Variants in PRKCB observed in about 807,000 individuals in gnomAD.
The protein encoded by PRKCB is protein kinase C beta type.
In PRKCB, 13 loss-of-function variants were observed where a neutral mutation model predicts 81.5. The ratio of observed to expected loss-of-function variants is 0.16; its 90% CI spans 0.10 to 0.25. The LOEUF (loss-of-function observed/expected upper bound fraction) is 0.25. PRKCB is among the 10% of genes least tolerant of loss of function. The pLI is 1.00. For synonymous variants in PRKCB, 335 were observed against 321.4 expected, an observed-to-expected ratio of 1.04 and a Z score of -0.45; for missense variants, 509 against 875.7, an observed-to-expected ratio of 0.58 and a Z score of 5.29.
At chr16:24,213,279 C>G (rs914306956) in intron 16 of PRKCB, among the ~76,000 whole-genome samples, 5 of 152,034 alleles carry the variant, frequency 3.3e-5, no homozygotes, top group Non-Finnish European at 5.9e-5. Flanking sequence ...GTGATCCACC[C>G]GCCTCCTCCT....
At position 23,886,404 on chromosome 16, in the gene PRKCB, G is replaced by GTGTTTTTTTGTTTTTTTTT. The variant is rs1414637676; in HGVS notation, c.205+49007_205+49008insGTTTTTTTTTTGTTTTTTT. ...CGAGGGTTGGACTATGGTGTGTTAG[G>GTGTTTTTTTGTTTTTTTTT]TGTTTTTTTTTTTTTTTTTTTTTTT... On this transcript the variant is annotated intron_variant, in intron 2 of 16. Transcript: ENST00000643927. Among the ~76,000 whole-genome samples the GTGTTTTTTTGTTTTTTTTT allele has an allele frequency of 3.9e-3, 399 of 103,316 alleles. 11 individuals are homozygous for GTGTTTTTTTGTTTTTTTTT. Among genetic ancestry groups the GTGTTTTTTTGTTTTTTTTT allele is most frequent in the African/African-American group, 0.014 (364 of 25,316 alleles). 67.8% of individuals were successfully genotyped at this position (103,316 alleles called of 152,430 possible).
At chr16:24,009,106 C>T (rs1965166629) in intron 3 of PRKCB, among the ~76,000 whole-genome samples, 1 of 152,152 alleles carries the variant, frequency 6.6e-6, no homozygotes, top group African/African-American at 2.4e-5. Flanking sequence ...CGTCAGTGGA[C>T]ACCTAGATTG....
intron 5 of PRKCB, among the ~76,000 whole-genome samples, chr16:24,040,600 T>A (rs371545794): frequency 1.3e-5 from 2 of 152,294 alleles, no homozygotes; most frequent in South Asian, 4.1e-4. Context: ...TCCCAGCACC[T>A]AGCAAGGTGG....
chr16:24,205,044 C>T (rs969144274), intron 16 of PRKCB, among the ~76,000 whole-genome samples: 8 of 151,336 alleles, frequency 5.3e-5, no homozygotes, highest in Admixed American at 1.3e-4. Flanking sequence ...CGCTTGAACC[C>T]GGGAGGTGGA....
intron 5 of PRKCB, among the ~76,000 whole-genome samples, chr16:24,038,277 A>G (rs1965648455): frequency 6.6e-6 from 1 of 152,204 alleles, no homozygotes; most frequent in Non-Finnish European, 1.5e-5. Context: ...AGACAGGAGG[A>G]TTGCTTGAGA....
intron 8 of PRKCB, among the ~76,000 whole-genome samples, chr16:24,120,896 G>C (rs974222676): frequency 4.6e-5 from 7 of 151,956 alleles, no homozygotes; most frequent in Admixed American, 2.0e-4. Context: ...ACCATGCCTG[G>C]CTCATCATTT....
At chr16:23,864,212 T>C (rs949575841) in intron 2 of PRKCB, among the ~76,000 whole-genome samples, 3 of 152,216 alleles carry the variant, frequency 2.0e-5, no homozygotes, top group Non-Finnish European at 4.4e-5. Context: ...ACACCATCTC[T>C]GCTCAGTGAG....
At chr16:23,928,318 C>T (rs375915009) in intron 2 of PRKCB, among the ~76,000 whole-genome samples, 17 of 151,908 alleles carry the variant, frequency 1.1e-4, no homozygotes, top group African/African-American at 2.9e-4. Flanking sequence ...AGTAGAGACA[C>T]GGTTTCACCA....
chr16:24,150,023 C>T (rs958865033), intron 9 of PRKCB, among the ~76,000 whole-genome samples: 7 of 152,118 alleles, frequency 4.6e-5, no homozygotes, highest in African/African-American at 1.7e-4. Flanking sequence ...TCTTTGCCTG[C>T]ACAGTGGTAG....
In PRKCB at chr16:24,020,002, G is replaced by A. The variant is rs942589105; in HGVS notation, c.289-12134G>A. Reference sequence around the variant, plus strand: ...GCAGGTTATTTTACCTTCGTCCAACGTGATGGAGTGAAAGGTGAAAAGAAT... The same window carrying A: ...GCAGGTTATTTTACCTTCGTCCAACATGATGGAGTGAAAGGTGAAAAGAAT... On this transcript the variant is annotated intron_variant, in intron 3 of 16. Transcript: ENST00000643927. Among the ~76,000 whole-genome samples the A allele has an allele frequency of 3.3e-5, 5 of 152,222 alleles. No homozygotes were observed. The South Asian group carries it at 8.3e-4, about 25-fold the overall frequency.
chr16:23,902,779 T>TCCC (rs1216128528), intron 2 of PRKCB, among the ~76,000 whole-genome samples: 4 of 81,928 alleles, frequency 4.9e-5, no homozygotes, highest in Non-Finnish European at 2.2e-5. Context: ...CCTTCCTTCC[T>TCCC]TCCTCCCTCC....
At chr16:23,900,612 AT>A (rs67164299) in intron 2 of PRKCB, among the ~76,000 whole-genome samples, 1 of 147,338 alleles carries the variant, frequency 6.8e-6, no homozygotes, top group Non-Finnish European at 1.5e-5. Flanking sequence ...CCTCACACAT[AT>A]TTTTTTCCTT....
chr16:24,095,259 T>A (rs1402634160), intron 7 of PRKCB, among the ~76,000 whole-genome samples: 1 of 152,104 alleles, frequency 6.6e-6, no homozygotes, highest in Non-Finnish European at 1.5e-5. Context: ...AGAGTTTTTT[T>A]ATGACTCAAA....
At chr16:23,849,010 GCTGC>G (rs1962426103) in intron 2 of PRKCB, among the ~76,000 whole-genome samples, 1 of 152,194 alleles carries the variant, frequency 6.6e-6, no homozygotes, top group Non-Finnish European at 1.5e-5. Flanking sequence ...AATAGCATTA[GCTGC>G]ACCTTACAGT....
intron 2 of PRKCB, among the ~76,000 whole-genome samples, chr16:23,858,724 G>GTTCTGAA (rs1962615549): frequency 6.6e-6 from 1 of 152,200 alleles, no homozygotes; most frequent in Non-Finnish European, 1.5e-5. Flanking sequence ...AACTATGCAA[G>GTTCTGAA]CTGTTGAGTC....
intron 13 of PRKCB, 22 bp downstream of exon 13, chr16:24,180,950 T>G (rs778483083): frequency 6.2e-7 from 1 of 1,612,200 alleles, no homozygotes; most frequent in South Asian, 1.1e-5. Context: ...TGGGCACACG[T>G]TCACATTGCG....
At chr16:23,871,029 G>A (rs891441005) in intron 2 of PRKCB, among the ~76,000 whole-genome samples, 1 of 152,230 alleles carries the variant, frequency 6.6e-6, no homozygotes, top group Admixed American at 6.5e-5. Flanking sequence ...TCACAGGGCA[G>A]ATGGGCCCAG....
At chr16:24,143,420 C>T (rs1179608730) in intron 9 of PRKCB, among the ~76,000 whole-genome samples, 1 of 152,038 alleles carries the variant, frequency 6.6e-6, no homozygotes, top group East Asian at 1.9e-4. Flanking sequence ...GCATGAGTCA[C>T]CGTGCCCGGC....
chr16:24,112,958 C>CT lies in PRKCB; in HGVS notation c.822-13dup. 1 of 1,579,874 alleles carries CT rather than the reference C, an allele frequency of 6.3e-7. No homozygotes were observed. The highest frequency in any genetic ancestry group is 1.1e-5 in the South Asian group (1 of 87,458). On this transcript the variant is annotated splice_polypyrimidine_tract_variant and intron_variant, in intron 7 of 16. Transcript: ENST00000643927. ...CGAGTCATGAAATGTGTCCCACCCC[C>CT]TTGTCTCCCTTCAGGTTTAAGTTAC...
Sources: gnomAD v4.1 joint callset for allele counts (sites outside exome capture counted in the v4.1 genomes callset) on GRCh38, gnomAD v4.1.1 for gene constraint, MANE v1.5 for transcripts, NCBI Gene and HGNC (gene_info 2026-07-23, HGNC 2026-07-21) for gene names.